PARD3: variants seen among roughly 807,000 people sequenced by gnomAD.
The protein encoded by PARD3 is par-3 family cell polarity regulator.
PARD3 carries 75 observed loss-of-function variants against 155.4 expected under a neutral mutation model. The observed-to-expected ratio is 0.48, with a 90% confidence interval of 0.40 to 0.58. The LOEUF is 0.58. PARD3 is among the 20% of genes least tolerant of loss of function. The pLI, the probability that PARD3 is intolerant of heterozygous loss-of-function variation, is 0.00. For missense variants in PARD3, 1,642 were observed against 1,721.7 expected, an observed-to-expected ratio of 0.95 and a Z score of 0.82; for synonymous variants, 576 against 610.5, an observed-to-expected ratio of 0.94 and a Z score of 0.83.
chr10:34,396,938 A>G (rs772376096), intron 7 of PARD3, among the ~76,000 whole-genome samples: 3 of 152,166 alleles, frequency 2.0e-5, no homozygotes, highest in African/African-American at 4.8e-5. Context: ...AATTCAGACT[A>G]TTCTTCCCCT....
At chr10:34,336,117 G>C in intron 18 of PARD3, 82 bp downstream of exon 18, 1 of 942,236 alleles carries the variant, frequency 1.1e-6, no homozygotes, top group Non-Finnish European at 1.7e-6. Flanking sequence ...TGTTTACATG[G>C]CATATGATTG....
intron 2 of PARD3, among the ~76,000 whole-genome samples, chr10:34,671,199 G>A (rs1166311341): frequency 6.6e-6 from 1 of 152,192 alleles, no homozygotes; most frequent in Non-Finnish European, 1.5e-5. Flanking sequence ...AATTTCTGTT[G>A]CAATGTCATG....
intron 22 of PARD3, among the ~76,000 whole-genome samples, chr10:34,173,672 T>A: frequency 6.6e-6 from 1 of 152,098 alleles, no homozygotes; most frequent in South Asian, 2.1e-4. Flanking sequence ...CCCTCCAACA[T>A]CCCAGCCATC....
rs77603656 is a variant in PARD3 at position 34,136,907 on chromosome 10, T to C, written c.3420-5324A>G. On this transcript the variant is annotated intron_variant, in intron 22 of 24. Coordinates refer to ENST00000374788, the MANE Select transcript of PARD3 (RefSeq NM_001184785.2). ...GGCATGTGTATGGGCTTTTCTCTCT[T>C]AGGTTTGTGCCTTCATCATAGCCAT... Among the ~76,000 whole-genome samples, 158 of 152,292 alleles carry C rather than the reference T, an allele frequency of 1.0e-3. 1 individual carries two copies. Among genetic ancestry groups the C allele is most frequent in the African/African-American group, 3.5e-3 (146 of 41,560 alleles).
rs190194776 is a variant in PARD3, at chr10:34,618,511, T to C, written c.222+77807A>G. ...TTCAGGTAAAAATGAGAAAGTGACA[T>C]CTCCAAAAACAAAGTAATAGCACTC... On this transcript the variant is annotated intron_variant, in intron 2 of 24. Coordinates refer to ENST00000374788, the MANE Select transcript of PARD3 (RefSeq NM_001184785.2). Among the ~76,000 whole-genome samples, 438 of 151,956 alleles carry C rather than the reference T, an allele frequency of 2.9e-3. 1 individual carries two copies. The highest frequency in any genetic ancestry group is 9.3e-3 in the African/African-American group (384 of 41,414).
intron 2 of PARD3, among the ~76,000 whole-genome samples, chr10:34,675,161 A>G (rs1564492154): frequency 6.6e-6 from 1 of 152,168 alleles, no homozygotes; most frequent in Non-Finnish European, 1.5e-5. Context: ...CCTATAATTT[A>G]TATCTCTAAT....
intron 2 of PARD3, among the ~76,000 whole-genome samples, chr10:34,601,703 C>G (rs747488440): frequency 6.6e-5 from 10 of 152,142 alleles, no homozygotes; most frequent in Admixed American, 2.0e-4. Context: ...TGGAATCCTT[C>G]AGTTTCCGAC....
At chr10:34,280,558 T>C (rs1369252557) in intron 21 of PARD3, among the ~76,000 whole-genome samples, 1 of 152,170 alleles carries the variant, frequency 6.6e-6, no homozygotes, top group Non-Finnish European at 1.5e-5. Context: ...AAGCACGCAC[T>C]TTCATAAGTC....
chr10:34,275,354 AACT>A, intron 21 of PARD3, among the ~76,000 whole-genome samples: 1 of 152,348 alleles, frequency 6.6e-6, no homozygotes, highest in East Asian at 1.9e-4. Context: ...CACCAGGTAG[AACT>A]ACTGCCGCAA....
intron 2 of PARD3, among the ~76,000 whole-genome samples, chr10:34,643,133 C>T (rs2092730090): frequency 1.3e-5 from 2 of 152,222 alleles, no homozygotes; most frequent in African/African-American, 2.4e-5. Flanking sequence ...GCAGCTTGCT[C>T]GGGAACCTGG....
chr10:34,678,359 C>A (rs917935515), intron 2 of PARD3, among the ~76,000 whole-genome samples: 3 of 152,146 alleles, frequency 2.0e-5, no homozygotes, highest in African/African-American at 7.2e-5. Flanking sequence ...CAAGCATATA[C>A]CACTGTGCCT....
chr10:34,263,572 T>C (rs751321307), intron 22 of PARD3, among the ~76,000 whole-genome samples: 3 of 152,106 alleles, frequency 2.0e-5, no homozygotes, highest in Non-Finnish European at 4.4e-5. Context: ...TGTGGGAGGA[T>C]TGCTTAAGCC....
At chr10:34,556,469 G>A (rs1178340046) in intron 2 of PARD3, among the ~76,000 whole-genome samples, 2 of 150,214 alleles carry the variant, frequency 1.3e-5, no homozygotes, top group South Asian at 4.2e-4. Flanking sequence ...TGCAAGCTCC[G>A]CCTCCCAGGT....
chr10:34,393,643 C>A (rs544885134), intron 7 of PARD3, among the ~76,000 whole-genome samples: 6 of 151,922 alleles, frequency 3.9e-5, no homozygotes, highest in African/African-American at 9.7e-5. Context: ...GTAATCCCAG[C>A]ACTATGGGAG....
At chr10:34,212,644 G>A (rs1348695555) in intron 22 of PARD3, among the ~76,000 whole-genome samples, 3 of 151,992 alleles carry the variant, frequency 2.0e-5, no homozygotes, top group Non-Finnish European at 2.9e-5. Flanking sequence ...AGGGAACAAT[G>A]GGAAGGTCAG....
chr10:34,257,581 G>A (rs933687835), intron 22 of PARD3, among the ~76,000 whole-genome samples: 1 of 152,176 alleles, frequency 6.6e-6, no homozygotes, highest in East Asian at 1.9e-4. Context: ...GGTCTATGAA[G>A]GGAAAGACAT....
At chr10:34,619,060 T>C (rs1345494907) in intron 2 of PARD3, among the ~76,000 whole-genome samples, 1 of 151,524 alleles carries the variant, frequency 6.6e-6, no homozygotes, top group Non-Finnish European at 1.5e-5. Flanking sequence ...TTTTTTTCTT[T>C]TTTTTTTTGA....
intron 22 of PARD3, among the ~76,000 whole-genome samples, chr10:34,241,259 C>T (rs1953572188): frequency 6.6e-6 from 1 of 152,176 alleles, no homozygotes. Flanking sequence ...CCAGTCATTT[C>T]AAGATCCAGA....
At chr10:34,135,717 C>G (rs1169510715) in intron 22 of PARD3, among the ~76,000 whole-genome samples, 1 of 152,192 alleles carries the variant, frequency 6.6e-6, no homozygotes, top group African/African-American at 2.4e-5. Context: ...TGAGAGGGAA[C>G]AGAAACCTTA....
Sources: gnomAD v4.1 joint callset for allele counts (sites outside exome capture counted in the v4.1 genomes callset) on GRCh38, gnomAD v4.1.1 for gene constraint, MANE v1.5 for transcripts, NCBI Gene and HGNC (gene_info 2026-07-23, HGNC 2026-07-21) for gene names.